REG4: variants seen among roughly 807,000 people sequenced by gnomAD.
REG4 encodes the protein regenerating islet-derived protein 4.
Under a neutral mutation model 22.3 loss-of-function variants are expected in REG4, and 16 were observed. That is an observed-to-expected ratio of 0.72 (90% CI 0.49 to 1.09). REG4 has a LOEUF of 1.09. Ranked by LOEUF, REG4 falls within the 50% of genes least tolerant of loss-of-function variation. The pLI, the probability that REG4 is intolerant of heterozygous loss-of-function variation, is 0.00. For missense variants in REG4, 214 were observed against 193.9 expected (o/e 1.10, Z -0.61); for synonymous variants, 71 against 69.2 (o/e 1.03, Z -0.13).
At chr1:119,803,253 T>C in intron 2 of REG4, 88 bp from the exon 3 acceptor site, 1 of 1,352,782 alleles carries the variant, frequency 7.4e-7, no homozygotes, top group Non-Finnish European at 9.8e-7. Flanking sequence ...AGGAACCCCT[T>C]GAATGAAGAG....
At chr1:119,798,407 G>A in intron 5 of REG4, 90 bp downstream of exon 5, 2 of 961,770 alleles carry the variant, frequency 2.1e-6, no homozygotes, top group East Asian at 4.8e-5. Context: ...GAGGAGGGCA[G>A]TGGTCCCCTG....
intron 3 of REG4, 68 bp from the exon 4 acceptor site, chr1:119,799,930 C>A (rs1423288178): frequency 1.3e-6 from 2 of 1,577,336 alleles, no homozygotes; most frequent in Admixed American, 1.7e-5. Flanking sequence ...CCTCAGAACG[C>A]TAGCGTGCCA....
chr1:119,801,754 G>A, intron 3 of REG4: 1 of 152,448 alleles, frequency 6.6e-6, no homozygotes, highest in Non-Finnish European at 1.5e-5. Flanking sequence ...GGTTTGAGGG[G>A]TCCTCTTTGG....
intron 5 of REG4, among the ~76,000 whole-genome samples, chr1:119,797,621 T>C (rs1653972194): frequency 6.6e-6 from 1 of 152,222 alleles, no homozygotes; most frequent in Non-Finnish European, 1.5e-5. Context: ...TGGGATATTC[T>C]CAAGTATACG....
rs773808958 is a variant in REG4 at position 119,794,086 on chromosome 1, C to T, written c.*532G>A. 3.2e-5 allele frequency: 17 copies of T among 532,854 alleles called. No homozygotes were observed. The highest frequency in any genetic ancestry group is 2.4e-4 in the South Asian group (17 of 71,490). 33.0% of individuals were successfully genotyped at this position (532,854 alleles called of 1,614,324 possible). A position where few individuals can be genotyped will look rare whatever the true frequency, so the allele number is the denominator to read the frequency against. ...TTACTGAACTGGAACACAGCAACCTCTTATGTACACAATGGTTTATTAAAG... is the reference window on the plus strand; with the variant it reads ...TTACTGAACTGGAACACAGCAACCTTTTATGTACACAATGGTTTATTAAAG... On this transcript the variant is annotated 3_prime_UTR_variant, in exon 6 of 6. Coordinates refer to ENST00000256585, the MANE Select transcript of REG4 (RefSeq NM_032044.4).
At chr1:119,798,672 A>G (rs1199328604) in intron 4 of REG4, 70 bp from the exon 5 acceptor site, 4 of 1,119,466 alleles carry the variant, frequency 3.6e-6, no homozygotes, top group African/African-American at 1.5e-5. Flanking sequence ...AAGTCCCCTC[A>G]GTCCCCTTTA....
chr1:119,806,222 C>G (rs1654313256), intron 2 of REG4, among the ~76,000 whole-genome samples: 1 of 152,096 alleles, frequency 6.6e-6, no homozygotes, highest in African/African-American at 2.4e-5. Flanking sequence ...GATTACAGGC[C>G]TGAGCCACCG....
intron 3 of REG4, 105 bp downstream of exon 3, chr1:119,802,963 A>G (rs372214199): frequency 1.3e-6 from 2 of 1,574,932 alleles, no homozygotes; most frequent in African/African-American, 1.3e-5. Flanking sequence ...GCTTCTCTTC[A>G]TAGTGCCCAG....
chr1:119,802,698 CT>C, intron 3 of REG4: 1 of 1,425,604 alleles, frequency 7.0e-7, no homozygotes, highest in Non-Finnish European at 9.1e-7. Context: ...ACACCACTCT[CT>C]TTCTGGTAAA....
intron 1 of REG4, among the ~76,000 whole-genome samples, chr1:119,810,755 T>C (rs1205987920): frequency 1.3e-5 from 2 of 152,176 alleles, no homozygotes; most frequent in Non-Finnish European, 2.9e-5. Context: ...GTCATGTTCA[T>C]AAGTAAGCTG....
intron 2 of REG4, 32 bp downstream of exon 2, chr1:119,808,671 G>C (rs1431487646): frequency 3.2e-6 from 5 of 1,543,004 alleles, no homozygotes; most frequent in Non-Finnish European, 4.5e-6. Context: ...CACTGGCTGT[G>C]GCTCAGTTCC....
intron 5 of REG4, among the ~76,000 whole-genome samples, chr1:119,797,113 A>G (rs1407634151): frequency 6.6e-6 from 1 of 151,994 alleles, no homozygotes; most frequent in Non-Finnish European, 1.5e-5. Context: ...TACAATGTCC[A>G]CCTTTTGCTT....
chr1:119,809,796 G>C (rs1654439368), intron 1 of REG4, among the ~76,000 whole-genome samples: 2 of 152,030 alleles, frequency 1.3e-5, no homozygotes, highest in Non-Finnish European at 2.9e-5. Flanking sequence ...CTCATTAATA[G>C]GGCACTAAAA....
chr1:119,798,630 A>C (rs1192114997), intron 4 of REG4, 28 bp from the exon 5 acceptor site: 1 of 1,591,936 alleles, frequency 6.3e-7, no homozygotes, highest in Admixed American at 1.7e-5. Context: ...GGAGAAGTGT[A>C]CAGCTCAGCA....
chr1:119,805,001 T>C (rs901139619), intron 2 of REG4, among the ~76,000 whole-genome samples: 2 of 152,208 alleles, frequency 1.3e-5, no homozygotes, highest in East Asian at 3.8e-4. Context: ...AGGATGGTCA[T>C]CTGCCCACGG....
rs759855943 is a variant in REG4, at chr1:119,799,693, A to C, written c.303+32T>G. ...AAGAGGATGCCAGCCTGGCTTTCCC[A>C]AGAGGGCCTTTGTGGCCAAGTCTGA... On this transcript the variant is annotated intron_variant, in intron 4 of 5. Transcript: ENST00000256585. 6 of 1,604,072 alleles carry C rather than the reference A, an allele frequency of 3.7e-6. No individual in the cohort carries two copies. In the African/African-American group the frequency reaches 6.7e-5, roughly 18 times the overall value.
chr1:119,804,862 T>C (rs1314233667), intron 2 of REG4, among the ~76,000 whole-genome samples: 4 of 152,116 alleles, frequency 2.6e-5, no homozygotes, highest in African/African-American at 9.7e-5. Flanking sequence ...CTCACTTTTC[T>C]ATCTCTCTCC....
chr1:119,799,834 G>A lies in REG4; in HGVS notation c.194C>T (p.Ala65Val), dbSNP rs1196346317. 6.2e-7 allele frequency: 1 copy of A among 1,614,106 alleles called. No individual in the cohort carries two copies. Among genetic ancestry groups the A allele is most frequent in the Admixed American group, 1.7e-5 (1 of 60,030 alleles). The change falls in exon 4 of 6, where the codon GCC (alanine) becomes GTC (valine). Residue 65 changes from alanine (A) to valine (V), a missense_variant. By Grantham distance (64) the Ala-to-Val change is moderately conservative. Coordinates refer to ENST00000256585, the MANE Select transcript of REG4 (RefSeq NM_032044.4). ...TAAACTCAGGATAGATGCCAGGTGG[G>A]CTCCGTTTCCGTAAGACTGACACTC... ...ELECQSYGNG[A>V]HLASILSLKE...
intron 5 of REG4, among the ~76,000 whole-genome samples, chr1:119,795,836 A>G (rs1274954703): frequency 6.6e-6 from 1 of 152,258 alleles, no homozygotes; most frequent in African/African-American, 2.4e-5. Flanking sequence ...TGGGGCAAAG[A>G]GAATACGGCA....
Sources: allele counts gnomAD v4.1 joint callset (sites outside exome capture counted in the v4.1 genomes callset), GRCh38; gene constraint gnomAD v4.1.1; transcripts MANE v1.5; gene names NCBI Gene and HGNC (gene_info 2026-07-23, HGNC 2026-07-21).